The following MTMR12 variants were observed in gnomAD, a reference collection of about 807,000 sequenced individuals.
MTMR12 encodes myotubularin related protein 12, also known as myotubularin-related protein 12.
Under a neutral mutation model 96.7 loss-of-function variants are expected in MTMR12, and 33 were observed. The ratio of observed to expected loss-of-function variants is 0.34; its 90% CI spans 0.26 to 0.46. The LOEUF is 0.46. Ranked by LOEUF, MTMR12 falls within the 20% of genes least tolerant of loss-of-function variation. The pLI, the probability that MTMR12 is intolerant of heterozygous loss-of-function variation, is 1.00. For synonymous variants in MTMR12, 298 were observed against 327.2 expected (o/e 0.91, Z 0.96); for missense variants, 721 against 896.1 (o/e 0.80, Z 2.49).
intron 3 of MTMR12, 100 bp from the exon 4 acceptor site, chr5:32,272,005 T>C: frequency 2.9e-6 from 2 of 692,842 alleles, no homozygotes; most frequent in Non-Finnish European, 4.5e-6. Flanking sequence ...TTAAGAAAAA[T>C]GGGGGGCCGG....
chr5:32,258,706 G>C (rs1749235057), intron 7 of MTMR12, among the ~76,000 whole-genome samples: 1 of 152,098 alleles, frequency 6.6e-6, no homozygotes, highest in African/African-American at 2.4e-5. Context: ...ACAGGCCACT[G>C]TTTCTCAACC....
At chr5:32,254,383 C>T (rs939473338) in intron 8 of MTMR12, among the ~76,000 whole-genome samples, 2 of 152,186 alleles carry the variant, frequency 1.3e-5, no homozygotes, top group Non-Finnish European at 2.9e-5. Context: ...TGTACTGATG[C>T]TCACTGTATT....
At chr5:32,296,775 T>C (rs1254303917) in intron 1 of MTMR12, among the ~76,000 whole-genome samples, 2 of 149,390 alleles carry the variant, frequency 1.3e-5, no homozygotes, top group African/African-American at 4.9e-5. Context: ...CACTCCAGCC[T>C]GGGTAACAGA....
intron 1 of MTMR12, among the ~76,000 whole-genome samples, chr5:32,292,611 C>A (rs1338828601): frequency 2.6e-5 from 4 of 152,174 alleles, no homozygotes; most frequent in African/African-American, 9.7e-5. Flanking sequence ...GAAGAGTATG[C>A]ATGGAATACA....
chr5:32,305,786 C>A (rs1412287869), intron 1 of MTMR12, among the ~76,000 whole-genome samples: 1 of 151,926 alleles, frequency 6.6e-6, no homozygotes, highest in African/African-American at 2.4e-5. Context: ...GCCTCTAATC[C>A]CAGCTACTCG....
chr5:32,258,102 G>A (rs545901644), intron 7 of MTMR12, among the ~76,000 whole-genome samples: 2 of 152,010 alleles, frequency 1.3e-5, no homozygotes, highest in Non-Finnish European at 2.9e-5. Context: ...ACTCCAGCCT[G>A]GGTGACACAG....
chr5:32,305,047 G>A (rs1751303161), intron 1 of MTMR12, among the ~76,000 whole-genome samples: 1 of 152,078 alleles, frequency 6.6e-6, no homozygotes, highest in Non-Finnish European at 1.5e-5. Context: ...GTGAGTTCTG[G>A]GAGATTTTAA....
rs1310438379 is a variant in MTMR12 at position 32,248,059 on chromosome 5, G to A, written c.964C>T (p.Leu322=). The change falls in exon 10 of 16, where the codon CTG becomes TTG. Residue 322 remains leucine, a synonymous_variant. Coordinates refer to ENST00000382142, the MANE Select transcript of MTMR12 (RefSeq NM_001040446.3). ...VKTEDLSSNF[L]SLQEIQTAYS... is the part of the protein sequence containing the mutation. Reference sequence around the variant, plus strand: ...GCAGTCTGGATTTCCTGCAGGGACAGGAAGTTGCTTGACAGGTCTTCCGTT... The same window carrying A: ...GCAGTCTGGATTTCCTGCAGGGACAAGAAGTTGCTTGACAGGTCTTCCGTT... The A allele has an allele frequency of 6.2e-7, 1 of 1,614,000 alleles. No individual in the cohort carries two copies. Among genetic ancestry groups the A allele is most frequent in the East Asian group, 2.2e-5 (1 of 44,888 alleles).
At chr5:32,250,998 AT>A (rs944491240) in intron 8 of MTMR12, among the ~76,000 whole-genome samples, 13 of 145,500 alleles carry the variant, frequency 8.9e-5, no homozygotes, top group African/African-American at 3.3e-4. Flanking sequence ...TGTTAATCTT[AT>A]TTGTTTTTTT....
Position 32,228,570 on chromosome 5 carries a change from ATATATATAT to A in MTMR12, c.*1199_*1207del, listed in dbSNP as rs1355456467. The A allele has an allele frequency of 2.6e-5, 3 of 113,290 alleles. No individual in the cohort carries two copies. The highest frequency in any genetic ancestry group is 2.1e-4 in the East Asian group (1 of 4,838). The allele number at this position is 113,290 out of a possible 1,614,324, so 7.0% of individuals were successfully genotyped here. On this transcript the variant is annotated 3_prime_UTR_variant, in exon 16 of 16. Coordinates refer to ENST00000382142, the MANE Select transcript of MTMR12 (RefSeq NM_001040446.3). ...CATATATATGTGATATATATATATC[ATATATATAT>A]CATATATATGTGATATATATATATA...
intron 7 of MTMR12, among the ~76,000 whole-genome samples, chr5:32,261,245 AG>A (rs1749351895): frequency 6.6e-6 from 1 of 152,010 alleles, no homozygotes; most frequent in Non-Finnish European, 1.5e-5. Flanking sequence ...AAAAACATGT[AG>A]GTCAGATCAT....
At chr5:32,280,018 C>CAACT (rs895956397) in intron 1 of MTMR12, among the ~76,000 whole-genome samples, 4 of 152,332 alleles carry the variant, frequency 2.6e-5, no homozygotes, top group African/African-American at 7.2e-5. Flanking sequence ...ATGTTAAAGT[C>CAACT]AACTACCACT....
At chr5:32,283,575 C>T (rs1234208501) in intron 1 of MTMR12, among the ~76,000 whole-genome samples, 1 of 152,164 alleles carries the variant, frequency 6.6e-6, no homozygotes, top group South Asian at 2.1e-4. Context: ...GCCCAGTCTG[C>T]ATTCTTATTC....
chr5:32,265,750 T>C (rs1355189781), intron 6 of MTMR12, among the ~76,000 whole-genome samples: 2 of 152,242 alleles, frequency 1.3e-5, no homozygotes, highest in East Asian at 1.9e-4. Flanking sequence ...CTCAATAATA[T>C]GCAGTTTTAC....
intron 1 of MTMR12, among the ~76,000 whole-genome samples, chr5:32,302,833 T>C (rs2963961): frequency 0.3 from 45,911 of 152,066 alleles, 7,079 homozygotes; most frequent in East Asian, 0.42. Context: ...TAACTAAGTG[T>C]TCTCATTACA....
chr5:32,232,538 T>C (rs1204596608), intron 15 of MTMR12, among the ~76,000 whole-genome samples: 1 of 152,192 alleles, frequency 6.6e-6, no homozygotes, highest in Non-Finnish European at 1.5e-5. Flanking sequence ...ACAACAGACG[T>C]TGTCCTCGCT....
chr5:32,259,732 T>C (rs1218913998), intron 7 of MTMR12, among the ~76,000 whole-genome samples: 5 of 152,112 alleles, frequency 3.3e-5, no homozygotes, highest in Non-Finnish European at 7.4e-5. Flanking sequence ...TTGGGAAAGC[T>C]TGCAACTTAA....
intron 7 of MTMR12, among the ~76,000 whole-genome samples, chr5:32,260,710 C>T (rs938505803): frequency 7.2e-6 from 1 of 139,302 alleles, no homozygotes; most frequent in South Asian, 2.7e-4. Context: ...ACAGCTCACA[C>T]TGTGAAGGCA....
chr5:32,238,212 C>CT (rs898112647), intron 13 of MTMR12, among the ~76,000 whole-genome samples: 1 of 141,022 alleles, frequency 7.1e-6, no homozygotes, highest in Non-Finnish European at 1.5e-5. Flanking sequence ...AAATCTAAAA[C>CT]TTTATTTATT....
Sources: gnomAD v4.1 joint callset for allele counts (sites outside exome capture counted in the v4.1 genomes callset) on GRCh38, gnomAD v4.1.1 for gene constraint, MANE v1.5 for transcripts, NCBI Gene and HGNC (gene_info 2026-07-23, HGNC 2026-07-21) for gene names.